RIMS1: variants seen among roughly 807,000 people sequenced by gnomAD.
RIMS1 encodes the protein regulating synaptic membrane exocytosis 1, also known as regulating synaptic membrane exocytosis protein 1.
RIMS1 carries 83 observed loss-of-function variants against 214.1 expected under a neutral mutation model. The ratio of observed to expected loss-of-function variants is 0.39; its 90% CI spans 0.32 to 0.47. RIMS1 has a LOEUF of 0.47. RIMS1 is among the 20% of genes least tolerant of loss of function. The probability of loss-of-function intolerance (pLI) is 0.99; values close to 1 mark genes in which losing one functional copy is unlikely to be tolerated. For synonymous variants in RIMS1, 793 were observed against 786.8 expected (o/e 1.01, Z -0.13); for missense variants, 2,050 against 2,161.8 (o/e 0.95, Z 1.03).
chr6:72,323,741 T>C (rs1243322803), intron 28 of RIMS1, among the ~76,000 whole-genome samples: 1 of 151,588 alleles, frequency 6.6e-6, no homozygotes, highest in Non-Finnish European at 1.5e-5. Context: ...CCCAATAATA[T>C]ATGTAAGAGA....
chr6:72,026,036 C>T (rs1384859973), intron 2 of RIMS1, among the ~76,000 whole-genome samples: 2 of 152,128 alleles, frequency 1.3e-5, no homozygotes, highest in Non-Finnish European at 2.9e-5. Flanking sequence ...GTCTTTATGA[C>T]CCAGACTTAG....
intron 1 of RIMS1, among the ~76,000 whole-genome samples, chr6:71,923,867 G>A (rs892676492): frequency 1.5e-4 from 23 of 152,010 alleles, no homozygotes; most frequent in Non-Finnish European, 2.5e-4. Context: ...CCTGGCCTTT[G>A]TGACTTCTTA....
At chr6:72,261,599 C>T (rs1421175419) in intron 19 of RIMS1, 1 of 982,676 alleles carries the variant, frequency 1.0e-6, no homozygotes, top group East Asian at 1.1e-4. Flanking sequence ...AACAAACTAA[C>T]ACAAAATAAT....
At chr6:72,286,223 A>G in intron 24 of RIMS1, among the ~76,000 whole-genome samples, 1 of 152,020 alleles carries the variant, frequency 6.6e-6, no homozygotes, top group Non-Finnish European at 1.5e-5. Context: ...TTGCTAGTTG[A>G]GTGACTACTG....
At chr6:72,034,583 T>C (rs988026393) in intron 2 of RIMS1, among the ~76,000 whole-genome samples, 1 of 152,028 alleles carries the variant, frequency 6.6e-6, no homozygotes, top group Non-Finnish European at 1.5e-5. Flanking sequence ...TGTAAAATTA[T>C]GGAATTGCTT....
At chr6:72,177,205 T>C (rs911962441) in intron 4 of RIMS1, among the ~76,000 whole-genome samples, 3 of 152,222 alleles carry the variant, frequency 2.0e-5, no homozygotes, top group African/African-American at 7.2e-5. Flanking sequence ...TTATCCTAAG[T>C]ATACCTTGAT....
At chr6:72,277,268 G>C (rs1041636611) in intron 23 of RIMS1, among the ~76,000 whole-genome samples, 2 of 152,114 alleles carry the variant, frequency 1.3e-5, no homozygotes, top group African/African-American at 4.8e-5. Flanking sequence ...GAATTAACAT[G>C]AAGGTACTTT....
chr6:71,978,946 T>C (rs1413982633), intron 2 of RIMS1, among the ~76,000 whole-genome samples: 1 of 152,124 alleles, frequency 6.6e-6, no homozygotes, highest in Non-Finnish European at 1.5e-5. Context: ...ATAGTTATAA[T>C]TAGGAAGTGA....
At chr6:72,092,486 G>A (rs1283083853) in intron 2 of RIMS1, among the ~76,000 whole-genome samples, 1 of 152,214 alleles carries the variant, frequency 6.6e-6, no homozygotes, top group Non-Finnish European at 1.5e-5. Flanking sequence ...GAGAGTTATA[G>A]ACTGAGAAAA....
intron 23 of RIMS1, among the ~76,000 whole-genome samples, chr6:72,281,948 TAGAG>T (rs1387496621): frequency 2.6e-5 from 4 of 152,040 alleles, no homozygotes; most frequent in Non-Finnish European, 5.9e-5. Context: ...TTCTTGAAGG[TAGAG>T]AGAATTGTGT....
chr6:72,151,445 G>A (rs1209128458), intron 4 of RIMS1, among the ~76,000 whole-genome samples: 4 of 152,138 alleles, frequency 2.6e-5, no homozygotes, highest in Non-Finnish European at 5.9e-5. Context: ...TCTTGAGAGG[G>A]TTTCTGATTT....
chr6:72,211,058 AC>A (rs2053724835), intron 6 of RIMS1, among the ~76,000 whole-genome samples: 1 of 152,226 alleles, frequency 6.6e-6, no homozygotes, highest in Admixed American at 6.5e-5. Context: ...GGTATCGTGA[AC>A]CTGAACATGT....
rs561948428 is a variant in RIMS1, at chr6:71,921,327, G to T, written c.164+34140G>T. ...GTAGAGACGGCATTTCACCATGTTG[G>T]TCAGGCTGGTCTCGAACCCCTGACC... On this transcript the variant is annotated intron_variant, in intron 1 of 33. Transcript: ENST00000521978. Among the ~76,000 whole-genome samples, 8 of 152,206 alleles carry T rather than the reference G, an allele frequency of 5.3e-5. No individual in the cohort carries two copies. In the East Asian group the frequency reaches 1.4e-3, roughly 26 times the overall value.
At chr6:72,289,679 C>G (rs761041299) in intron 24 of RIMS1, among the ~76,000 whole-genome samples, 6 of 152,024 alleles carry the variant, frequency 3.9e-5, no homozygotes, top group Non-Finnish European at 8.8e-5. Context: ...AATTGCCAAT[C>G]TGAATAGAAG....
intron 2 of RIMS1, among the ~76,000 whole-genome samples, chr6:72,024,055 C>T (rs1815576457): frequency 1.3e-5 from 2 of 152,056 alleles, no homozygotes; most frequent in Non-Finnish European, 2.9e-5. Context: ...AAAAATCAGC[C>T]TATAAAACAT....
intron 2 of RIMS1, among the ~76,000 whole-genome samples, chr6:72,058,603 T>C (rs1826999694): frequency 6.6e-6 from 1 of 152,206 alleles, no homozygotes; most frequent in Admixed American, 6.5e-5. Context: ...CAGAAATTGA[T>C]GTTTTCTCTC....
Position 72,332,637 on chromosome 6 carries a change from T to C in RIMS1, c.4131-963T>C, listed in dbSNP as rs570162766. ...CCAGCATGGCACATGTATACATATGTAACTAACCTGCACATTGTGCACATG... is the reference window on the plus strand; with the variant it reads ...CCAGCATGGCACATGTATACATATGCAACTAACCTGCACATTGTGCACATG... On this transcript the variant is annotated intron_variant, in intron 28 of 33. Coordinates refer to ENST00000521978, the MANE Select transcript of RIMS1 (RefSeq NM_014989.7). 2.8e-4 allele frequency among the ~76,000 whole-genome samples: 42 copies of C among 150,250 alleles called. 1 individual carries two copies. Among genetic ancestry groups the C allele is most frequent in the Admixed American group, 2.4e-3 (36 of 15,044 alleles).
rs1026230136 is a variant in RIMS1 at position 72,283,975 on chromosome 6, G to A, written c.3483-72G>A. ...ATAGTTGCCATTTTTCATGTCTATT[G>A]TGTTTATCATTGTATGATGTTAATG... On this transcript the variant is annotated intron_variant, in intron 23 of 33. Transcript: ENST00000521978. 41 of 1,221,194 alleles carry A rather than the reference G, an allele frequency of 3.4e-5. 1 individual carries two copies. The Admixed American group carries it at 6.8e-4, about 20-fold the overall frequency. The allele number at this position is 1,221,194 out of a possible 1,614,324, so 75.6% of individuals were successfully genotyped here. A position where few individuals can be genotyped will look rare whatever the true frequency, so the allele number is the denominator to read the frequency against.
chr6:72,329,893 A>G (rs1367301092), intron 28 of RIMS1, among the ~76,000 whole-genome samples: 1 of 151,750 alleles, frequency 6.6e-6, no homozygotes, highest in Admixed American at 6.6e-5. Flanking sequence ...ATCCAAGCAG[A>G]TACGTCAGTT....
Sources: gnomAD v4.1 joint callset for allele counts (sites outside exome capture counted in the v4.1 genomes callset) on GRCh38, gnomAD v4.1.1 for gene constraint, MANE v1.5 for transcripts, NCBI Gene and HGNC (gene_info 2026-07-23, HGNC 2026-07-21) for gene names.